The following CUL3 variants were observed in gnomAD, a reference collection of about 807,000 sequenced individuals.
The protein encoded by CUL3 is cullin-3.
In CUL3, 19 loss-of-function variants were observed where a neutral mutation model predicts 89.1. The ratio of observed to expected loss-of-function variants is 0.21; its 90% confidence interval spans 0.15 to 0.31. The LOEUF (loss-of-function observed/expected upper bound fraction) is 0.31, where lower values mean the gene tolerates loss of function less well. CUL3 is among the 10% of genes least tolerant of loss of function. CUL3 has a pLI of 1.00. For synonymous variants in CUL3, 351 were observed against 308.4 expected (o/e 1.14, Z -1.45); for missense variants, 469 against 942.3 (o/e 0.50, Z 6.58).
At chr2:224,542,195 C>T (rs977782654) in intron 2 of CUL3, among the ~76,000 whole-genome samples, 1 of 152,144 alleles carries the variant, frequency 6.6e-6, no homozygotes, top group Non-Finnish European at 1.5e-5. Context: ...TTGAGTATAT[C>T]AACCTTATGA....
chr2:224,542,787 CAA>C (rs796889930), intron 2 of CUL3, among the ~76,000 whole-genome samples: 24 of 152,180 alleles, frequency 1.6e-4, no homozygotes, highest in African/African-American at 5.8e-4. Context: ...TCAAGTCAGT[CAA>C]ATTACTGGTA....
chr2:224,579,046 T>C (rs925528889), intron 1 of CUL3, among the ~76,000 whole-genome samples: 11 of 151,960 alleles, frequency 7.2e-5, no homozygotes, highest in African/African-American at 2.4e-4. Context: ...TATTTCATAT[T>C]ACTTAAATAG....
intron 1 of CUL3, among the ~76,000 whole-genome samples, chr2:224,570,792 T>C (rs1394260962): frequency 1.3e-5 from 2 of 152,160 alleles, no homozygotes; most frequent in Admixed American, 6.5e-5. Flanking sequence ...AAATCATCAA[T>C]AGAAGGTTCA....
chr2:224,474,624 A>G, intron 15 of CUL3: 1 of 398,588 alleles, frequency 2.5e-6, no homozygotes, highest in East Asian at 4.4e-5. Context: ...TTGGAATTAC[A>G]GTAGTGTGAG....
At chr2:224,557,599 G>T in intron 2 of CUL3, 60 bp downstream of exon 2, 3 of 1,181,338 alleles carry the variant, frequency 2.5e-6, no homozygotes, top group South Asian at 1.4e-5. Flanking sequence ...AGTGCAATAT[G>T]GTATAAAGGA....
At position 224,472,043 on chromosome 2, in the gene CUL3, A is replaced by G. The variant is rs548070553; in HGVS notation, c.*2202T>C. On this transcript the variant is annotated 3_prime_UTR_variant, in exon 16 of 16. Transcript: ENST00000264414. ...GTTATAACCTTTATGACCTAAAATA[A>G]TACTTATGCAGTCAAACATATAAAC... The G allele has an allele frequency of 4.3e-6, 1 of 231,142 alleles. No homozygotes were observed. Among genetic ancestry groups the G allele is most frequent in the African/African-American group, 2.2e-5 (1 of 45,258 alleles). The allele number at this position is 231,142 out of a possible 1,614,324, so 14.3% of individuals were successfully genotyped here.
intron 1 of CUL3, among the ~76,000 whole-genome samples, chr2:224,570,455 T>C (rs998407996): frequency 6.6e-6 from 1 of 152,232 alleles, no homozygotes; most frequent in African/African-American, 2.4e-5. Context: ...TGAAAGCATC[T>C]GGCACACAGC....
Position 224,513,682 on chromosome 2 carries a change from A to T in CUL3, c.540-44T>A, listed in dbSNP as rs769823322. 2.2e-5 allele frequency: 29 copies of T among 1,321,880 alleles called. No individual in the cohort carries two copies. The South Asian group carries it at 3.8e-4, about 17-fold the overall frequency. 81.9% of individuals were successfully genotyped at this position (1,321,880 alleles called of 1,614,324 possible). A position where few individuals can be genotyped will look rare whatever the true frequency, so the allele number is the denominator to read the frequency against. On this transcript the variant is annotated intron_variant, in intron 4 of 15. Transcript: ENST00000264414. ...ATCACTTGATAATTAAATTACATTT[A>T]AAAATTCACATAAAAATTACAAAAA...
chr2:224,507,207 C>T (rs1421586830), intron 6 of CUL3, among the ~76,000 whole-genome samples: 1 of 152,076 alleles, frequency 6.6e-6, no homozygotes, highest in Non-Finnish European at 1.5e-5. Flanking sequence ...TTATAAAACA[C>T]AACTTTTAGA....
chr2:224,533,260 T>C (rs1450708607), intron 3 of CUL3, among the ~76,000 whole-genome samples: 1 of 152,134 alleles, frequency 6.6e-6, no homozygotes, highest in Non-Finnish European at 1.5e-5. Flanking sequence ...GGACAAGAAA[T>C]AATACCAGTT....
At chr2:224,489,599 T>G (rs765994585) in intron 13 of CUL3, among the ~76,000 whole-genome samples, 1 of 152,040 alleles carries the variant, frequency 6.6e-6, no homozygotes, top group Non-Finnish European at 1.5e-5. Context: ...TGGAAAAATA[T>G]TCTATGCTCA....
At position 224,478,152 on chromosome 2, in the gene CUL3, T is replaced by C. The variant is rs376115334; in HGVS notation, c.2175+48A>G. The C allele has an allele frequency of 3.3e-6, 5 of 1,508,674 alleles. No individual in the cohort carries two copies. In the African/African-American group the frequency reaches 7.0e-5, roughly 21 times the overall value. 93.5% of individuals were successfully genotyped at this position (1,508,674 alleles called of 1,614,324 possible). On this transcript the variant is annotated intron_variant, in intron 15 of 15. Coordinates refer to ENST00000264414, the MANE Select transcript of CUL3 (RefSeq NM_003590.5). ...TAGTTGAATACAATAATTTTGTTAATAATGTTACTGTTTTTTCTATATTAG... is the reference window on the plus strand; with the variant it reads ...TAGTTGAATACAATAATTTTGTTAACAATGTTACTGTTTTTTCTATATTAG...
In CUL3 at chr2:224,520,638, G is replaced by C. The variant is rs112531476; in HGVS notation, c.379-5866C>G. ...AGGAGTTGGACTGGAGAGAGATGGA[G>C]TCTTTCTAAGCCACAAGAAAAGGAA... is the stretch of plus-strand genomic sequence containing the variant. On this transcript the variant is annotated intron_variant, in intron 3 of 15. Transcript: ENST00000264414. Among the ~76,000 whole-genome samples, 9 of 152,274 alleles carry C rather than the reference G, an allele frequency of 5.9e-5. 2 individuals carry two copies. The highest frequency in any genetic ancestry group is 2.2e-4 in the African/African-American group (9 of 41,564).
chr2:224,485,887 T>C lies in CUL3; in HGVS notation c.1843-3809A>G, dbSNP rs1484024220. On this transcript the variant is annotated intron_variant, in intron 13 of 15. Transcript: ENST00000264414. This position sits in a 1 kb window ranked among gnomAD's most constrained non-coding sequence, Gnocchi z 4.1. ...CCGGCTGGCATCTGGCAGGTGCCCCTCTGGGACAAAGCTTCCAGAGGAAGG... is the reference window on the plus strand; with the variant it reads ...CCGGCTGGCATCTGGCAGGTGCCCCCCTGGGACAAAGCTTCCAGAGGAAGG... Among the ~76,000 whole-genome samples the C allele has an allele frequency of 1.3e-5, 2 of 152,152 alleles. No individual in the cohort carries two copies. The highest frequency in any genetic ancestry group is 2.4e-5 in the African/African-American group (1 of 41,440).
chr2:224,474,308 A>G lies in CUL3; in HGVS notation c.2244T>C (p.Leu748=). The change falls in exon 16 of 16, where the codon CTT becomes CTC. Residue 748 remains leucine (L), a synonymous_variant. Coordinates refer to ENST00000264414, the MANE Select transcript of CUL3 (RefSeq NM_003590.5). ...TTCGTGCCAAATATTCTCTCTCAAT[A>G]AGTCCTTCAATACGTTTCTTAATAA... ...PVVIKKRIEG[L]IEREYLARTP... The G allele has an allele frequency of 6.2e-7, 1 of 1,613,974 alleles. No homozygotes were observed. Among genetic ancestry groups the G allele is most frequent in the South Asian group, 1.1e-5 (1 of 91,062 alleles).
chr2:224,532,363 A>C (rs1693727370), intron 3 of CUL3, among the ~76,000 whole-genome samples: 1 of 152,080 alleles, frequency 6.6e-6, no homozygotes, highest in African/African-American at 2.4e-5. Context: ...AACAGTAAGA[A>C]GGTAGGTAGG....
At chr2:224,484,477 C>T (rs1691645396) in intron 13 of CUL3, among the ~76,000 whole-genome samples, 1 of 151,954 alleles carries the variant, frequency 6.6e-6, no homozygotes. Context: ...TACTGATGCT[C>T]TTTATAGATT....
At chr2:224,497,911 C>G (rs1692225592) in intron 11 of CUL3, 62 bp from the exon 12 acceptor site, 7 of 1,242,728 alleles carry the variant, frequency 5.6e-6, no homozygotes, top group Non-Finnish European at 8.3e-6. Flanking sequence ...AAATTACAAA[C>G]TACAGGATAA....
At chr2:224,568,163 A>C (rs1695091239) in intron 1 of CUL3, among the ~76,000 whole-genome samples, 1 of 152,164 alleles carries the variant, frequency 6.6e-6, no homozygotes, top group African/African-American at 2.4e-5. Flanking sequence ...TCCTTCACTG[A>C]ACTCCTCAAG....
Sources: allele counts gnomAD v4.1 joint callset (sites outside exome capture counted in the v4.1 genomes callset), GRCh38; gene constraint gnomAD v4.1.1; non-coding constraint Gnocchi (gnomAD v3.1); transcripts MANE v1.5; gene names NCBI Gene and HGNC (gene_info 2026-07-23, HGNC 2026-07-21).